PPARGC1A: variants seen among roughly 807,000 people sequenced by gnomAD.
PPARGC1A encodes peroxisome proliferator-activated receptor gamma coactivator 1-alpha.
A neutral mutation model predicts 88.7 loss-of-function variants in PPARGC1A; 25 were observed. That is an observed-to-expected ratio of 0.28 (90% CI 0.21 to 0.39). PPARGC1A has a LOEUF of 0.39. Ranked by LOEUF, PPARGC1A falls within the 10% of genes least tolerant of loss-of-function variation. The probability of loss-of-function intolerance (pLI) is 1.00; values close to 1 mark genes in which losing one functional copy is unlikely to be tolerated. For missense variants in PPARGC1A, 880 were observed against 968.7 expected (o/e 0.91, Z 1.22); for synonymous variants, 363 against 355.6 (o/e 1.02, Z -0.24).
At chr4:23,941,006 C>CA in the PPARGC1A span, among the ~76,000 whole-genome samples, 1 of 152,138 alleles carries the variant, frequency 6.6e-6, no homozygotes, top group Non-Finnish European at 1.5e-5. Context: ...GATACCTTGT[C>CA]AAAAACAGAA....
the PPARGC1A span, among the ~76,000 whole-genome samples, chr4:24,287,634 G>GCACGCACACA: frequency 7.0e-6 from 1 of 142,052 alleles, no homozygotes; most frequent in East Asian, 2.2e-4. Flanking sequence ...AACACCACAT[G>GCACGCACACA]CACACACACA....
chr4:23,878,154 G>A (rs143031467), intron 2 of PPARGC1A, among the ~76,000 whole-genome samples: 3 of 152,164 alleles, frequency 2.0e-5, no homozygotes, highest in African/African-American at 7.2e-5. Context: ...ACTCCGGGAG[G>A]TTGGAAAAAC....
the PPARGC1A span, among the ~76,000 whole-genome samples, chr4:24,377,348 T>A: frequency 2.0e-5 from 3 of 152,016 alleles, no homozygotes; most frequent in African/African-American, 7.2e-5. Flanking sequence ...TAGGCACAAG[T>A]AGAAGCCAAA....
chr4:23,812,941 G>T, intron 9 of PPARGC1A, 74 bp from the exon 10 acceptor site: 2 of 1,612,010 alleles, frequency 1.2e-6, no homozygotes, highest in South Asian at 2.2e-5. Flanking sequence ...ATATGGGGAG[G>T]GGTATAGGGT....
the PPARGC1A span, among the ~76,000 whole-genome samples, chr4:24,255,630 G>A: frequency 1.3e-5 from 2 of 152,132 alleles, no homozygotes. Flanking sequence ...TTTTCTCAAC[G>A]TAAATTTGGC....
the PPARGC1A span, among the ~76,000 whole-genome samples, chr4:24,002,097 C>CACACAGAGACAGAG: frequency 8.0e-6 from 1 of 125,324 alleles, no homozygotes; most frequent in African/African-American, 3.3e-5. Flanking sequence ...CACACACACA[C>CACACAGAGACAGAG]AGAGAGAGAG....
At chr4:23,914,700 T>C in the PPARGC1A span, among the ~76,000 whole-genome samples, 2 of 143,382 alleles carry the variant, frequency 1.4e-5, no homozygotes, top group East Asian at 2.2e-4. Flanking sequence ...TTTCTTTCCA[T>C]GACTAACCAT....
the PPARGC1A span, among the ~76,000 whole-genome samples, chr4:24,447,168 T>C: frequency 6.6e-6 from 1 of 151,958 alleles, no homozygotes; most frequent in Non-Finnish European, 1.5e-5. Context: ...CTCTCCTCCC[T>C]CCCCTGCCAA....
At chr4:24,046,196 C>A in the PPARGC1A span, among the ~76,000 whole-genome samples, 1 of 152,172 alleles carries the variant, frequency 6.6e-6, no homozygotes, top group Non-Finnish European at 1.5e-5. Flanking sequence ...AGCAGGCTCA[C>A]TAAAAGGAGT....
chr4:24,213,626 T>C, the PPARGC1A span, among the ~76,000 whole-genome samples: 7 of 152,284 alleles, frequency 4.6e-5, no homozygotes, highest in South Asian at 1.5e-3. Context: ...AGTCCCTTCT[T>C]ATCAAGCAAC....
the PPARGC1A span, among the ~76,000 whole-genome samples, chr4:24,434,250 G>T: frequency 6.6e-6 from 1 of 152,208 alleles, no homozygotes; most frequent in Non-Finnish European, 1.5e-5. Flanking sequence ...GCCCCCTCAG[G>T]AAAGTCGGAT....
chr4:24,351,125 C>T, the PPARGC1A span, among the ~76,000 whole-genome samples: 3 of 151,624 alleles, frequency 2.0e-5, no homozygotes, highest in Admixed American at 6.6e-5. Context: ...CAGCTACTTG[C>T]GAGGCTGAGG....
the PPARGC1A span, among the ~76,000 whole-genome samples, chr4:24,050,387 G>A: frequency 9.2e-5 from 14 of 151,792 alleles, no homozygotes; most frequent in East Asian, 1.4e-3. Context: ...TAGTAGAGAC[G>A]GGGTTTCATC....
the PPARGC1A span, among the ~76,000 whole-genome samples, chr4:24,387,808 GAAAGAAAGAA>G: frequency 6.5e-5 from 7 of 107,572 alleles, no homozygotes; most frequent in South Asian, 3.4e-4. Context: ...AAGAAAGAAA[GAAAGAAAGAA>G]AGAAAGAGAG....
At chr4:24,188,788 C>A in the PPARGC1A span, among the ~76,000 whole-genome samples, 11 of 152,104 alleles carry the variant, frequency 7.2e-5, no homozygotes, top group Admixed American at 5.2e-4. Flanking sequence ...AGCAATTCCA[C>A]TTCTGGGTAT....
chr4:23,815,780 T>A (rs763989228), intron 7 of PPARGC1A, among the ~76,000 whole-genome samples: 2 of 152,100 alleles, frequency 1.3e-5, no homozygotes, highest in Non-Finnish European at 2.9e-5. Context: ...TTACAATACA[T>A]TTTCTGTTTA....
At chr4:23,897,965 G>C (rs2148872897) in intron 1 of PPARGC1A, among the ~76,000 whole-genome samples, 1 of 152,316 alleles carries the variant, frequency 6.6e-6, no homozygotes, top group Non-Finnish European at 1.5e-5. Context: ...CATTACAAGT[G>C]ATTTAGAAAT....
At chr4:24,185,121 T>A in the PPARGC1A span, among the ~76,000 whole-genome samples, 1 of 152,306 alleles carries the variant, frequency 6.6e-6, no homozygotes, top group African/African-American at 2.4e-5. Flanking sequence ...ATTTGCCTGT[T>A]TTCACACATC....
At chr4:23,879,944 C>G (rs1390496112) in intron 2 of PPARGC1A, 1 of 114,384 alleles carries the variant, frequency 8.7e-6, no homozygotes, top group Non-Finnish European at 1.7e-5. Flanking sequence ...GTAAACCAAG[C>G]TCACCTCCAC....
Sources: gnomAD v4.1 joint callset for allele counts (sites outside exome capture counted in the v4.1 genomes callset) on GRCh38, gnomAD v4.1.1 for gene constraint, MANE v1.5 for transcripts, NCBI Gene and HGNC (gene_info 2026-07-23, HGNC 2026-07-21) for gene names.